RD3: variants seen among roughly 807,000 people sequenced by gnomAD.
RD3 encodes the protein protein RD3.
RD3 carries 11 observed loss-of-function variants against 16.9 expected under a neutral mutation model. That is an observed-to-expected ratio of 0.65 (90% confidence interval 0.41 to 1.08). The LOEUF is 1.08. RD3 is among the 50% of genes least tolerant of loss of function. The pLI is 0.00. For missense variants in RD3, 274 were observed against 267.4 expected (o/e 1.02, Z -0.17); for synonymous variants, 116 against 114.8 (o/e 1.01, Z -0.07).
chr1:211,487,038 A>T (rs1705388421), intron 1 of RD3, among the ~76,000 whole-genome samples: 1 of 152,156 alleles, frequency 6.6e-6, no homozygotes, highest in African/African-American at 2.4e-5. Flanking sequence ...AAGATATGGC[A>T]TTTGGACATG....
In RD3 at chr1:211,479,256, T is replaced by A. The variant is rs764736043; in HGVS notation, c.368A>T (p.Gln123Leu). 13 of 1,607,498 alleles carry A rather than the reference T, an allele frequency of 8.1e-6. No individual in the cohort carries two copies. Among genetic ancestry groups the A allele is most frequent in the African/African-American group, 1.3e-5 (1 of 74,836 alleles). Residue 123 changes from glutamine to leucine, a missense_variant, in exon 3 of 3, where the codon CAG becomes CTG. By Grantham distance (113) the Gln-to-Leu change is moderately radical (BLOSUM62 -2). Coordinates refer to ENST00000680073, the MANE Select transcript of RD3 (RefSeq NM_001164688.2). The part of the protein sequence containing the change: ...EVSQLFRSVL[Q>L]EVLERMKQEE... ...CTGCTTCATCCTCTCCAGGACCTCC[T>A]GCAGCACCGAGCGGAAGAGCTGGGA...
intron 1 of RD3, among the ~76,000 whole-genome samples, chr1:211,482,869 T>C (rs948716602): frequency 6.6e-6 from 1 of 151,752 alleles, no homozygotes; most frequent in African/African-American, 2.4e-5. Flanking sequence ...GCACCAATGA[T>C]CCCATTTCTG....
In RD3 at chr1:211,476,763, T is replaced by G. The variant is rs1285496066; in HGVS notation, c.*2273A>C. Reference sequence around the variant, plus strand: ...TCATTGGCAGCCAGTTACTTAAACTTAAGAAAGAACACCACATTGAAAGCC... The same window carrying G: ...TCATTGGCAGCCAGTTACTTAAACTGAAGAAAGAACACCACATTGAAAGCC... On this transcript the variant is annotated 3_prime_UTR_variant, in exon 3 of 3. Coordinates refer to ENST00000680073, the MANE Select transcript of RD3 (RefSeq NM_001164688.2). The G allele has an allele frequency of 6.6e-6, 1 of 152,164 alleles. No homozygotes were observed. Among genetic ancestry groups the G allele is most frequent in the African/African-American group, 2.4e-5 (1 of 41,438 alleles). The allele number at this position is 152,164 out of a possible 1,614,324, so 9.4% of individuals were successfully genotyped here. A position where few individuals can be genotyped will look rare whatever the true frequency, so the allele number is the denominator to read the frequency against.
Position 211,478,828 on chromosome 1 carries a change from C to CTCCCTTA in RD3, c.*207_*208insTAAGGGA. The CTCCCTTA allele has an allele frequency of 8.6e-6, 5 of 579,690 alleles. No individual in the cohort carries two copies. The highest frequency in any genetic ancestry group is 1.5e-5 in the Non-Finnish European group (5 of 329,562). The allele number at this position is 579,690 out of a possible 1,614,324, so 35.9% of individuals were successfully genotyped here. A position where few individuals can be genotyped will look rare whatever the true frequency, so the allele number is the denominator to read the frequency against. On this transcript the variant is annotated 3_prime_UTR_variant, in exon 3 of 3. Coordinates refer to ENST00000680073, the MANE Select transcript of RD3 (RefSeq NM_001164688.2). ...GCGCAGGAGAGGGAGAGGGCGGTGC[C>CTCCCTTA]GCTCTACGACCTAACTCAGCTTTGT...
In RD3 at chr1:211,481,349, C is replaced by T. The variant is rs1288362858; in HGVS notation, c.67G>A (p.Glu23Lys). 1.2e-6 allele frequency: 2 copies of T among 1,613,984 alleles called. No individual in the cohort carries two copies. Among genetic ancestry groups the T allele is most frequent in the Non-Finnish European group, 8.5e-7 (1 of 1,180,052 alleles). Residue 23 changes from glutamate (E) to lysine (K), a missense_variant, in exon 2 of 3, where the codon GAG becomes AAG. Coordinates refer to ENST00000680073, the MANE Select transcript of RD3 (RefSeq NM_001164688.2). ...PSRLSTRSPA[E>K]MVLETLMMEL... ...ATCATAAGCGTCTCCAGCACCATCT[C>T]AGCAGGGCTCCTGGTGGACAGCCGG... is the stretch of plus-strand genomic sequence containing the variant.
Position 211,481,265 on chromosome 1 carries a change from C to T in RD3, c.151G>A (p.Val51Ile). 1.9e-6 allele frequency: 3 copies of T among 1,614,262 alleles called. No homozygotes were observed. Among genetic ancestry groups the T allele is most frequent in the Non-Finnish European group, 2.5e-6 (3 of 1,180,050 alleles). ...TCCACACCGGTGCAGACCTTTCTGA[C>T]CGCATTGCTGCGCTCCCGCTGCTGC... ...ERQQRERSNA[V>I]RKVCTGVDYS... Residue 51 changes from valine to isoleucine, a missense_variant, in exon 2 of 3, where the codon GTC becomes ATC. By Grantham distance (29) the Val-to-Ile change is conservative. Coordinates refer to ENST00000680073, the MANE Select transcript of RD3 (RefSeq NM_001164688.2).
intron 1 of RD3, 133 bp from the exon 2 acceptor site, chr1:211,481,559 T>C: frequency 1.3e-6 from 1 of 749,646 alleles, no homozygotes; most frequent in South Asian, 1.7e-5. Flanking sequence ...AACAGTTGAG[T>C]GGCCTCAAGT....
rs200497931 is a variant in RD3 at position 211,481,375 on chromosome 1, G to A, written c.41C>T (p.Ser14Phe). The A allele has an allele frequency of 6.2e-7, 1 of 1,613,698 alleles. No individual in the cohort carries two copies. Among genetic ancestry groups the A allele is most frequent in the Non-Finnish European group, 8.5e-7 (1 of 1,180,048 alleles). Residue 14 changes from serine (S) to phenylalanine (F), a missense_variant, in exon 2 of 3, where the codon TCC becomes TTC. Physicochemically the swap from Ser to Phe is radical, Grantham distance 155 (BLOSUM62 -2). Coordinates refer to ENST00000680073, the MANE Select transcript of RD3 (RefSeq NM_001164688.2). ...ISWLRWNEAP[S>F]RLSTRSPAEM... ...AGCAGGGCTCCTGGTGGACAGCCGG[G>A]ATGGGGCCTCGTTCCACCGAAGCCA...
At chr1:211,481,099 G>A (rs367943212) in intron 2 of RD3, 21 bp downstream of exon 2, 3 of 1,613,462 alleles carry the variant, frequency 1.9e-6, no homozygotes. Context: ...GCCCAGCAAG[G>A]GTCCCCATCC....
At chr1:211,485,784 T>A (rs1489994025) in intron 1 of RD3, among the ~76,000 whole-genome samples, 1 of 152,170 alleles carries the variant, frequency 6.6e-6, no homozygotes, top group Non-Finnish European at 1.5e-5. Flanking sequence ...AGTCTTCCCA[T>A]GATGAATGGT....
intron 1 of RD3, among the ~76,000 whole-genome samples, chr1:211,488,005 G>T (rs747835924): frequency 6.6e-6 from 1 of 152,230 alleles, no homozygotes; most frequent in South Asian, 2.1e-4. Flanking sequence ...GCAGTGCAGG[G>T]TGTGCCCAGG....
rs541649183 is a variant in RD3, at chr1:211,481,737, G to A, written c.-11-311C>T. Among the ~76,000 whole-genome samples the A allele has an allele frequency of 3.9e-5, 6 of 152,276 alleles. No individual in the cohort carries two copies. In the East Asian group the frequency reaches 1.2e-3, roughly 29 times the overall value. On this transcript the variant is annotated intron_variant, in intron 1 of 2. Transcript: ENST00000680073. Reference sequence around the variant, plus strand: ...ATCCCCAGGATTGTGCCCAGAGAAAGGGCCTCCTGAATCCTCACTAACTCC... The same window carrying A: ...ATCCCCAGGATTGTGCCCAGAGAAAAGGCCTCCTGAATCCTCACTAACTCC...
chr1:211,485,480 G>A (rs962976511), intron 1 of RD3, among the ~76,000 whole-genome samples: 2 of 152,170 alleles, frequency 1.3e-5, no homozygotes, highest in Non-Finnish European at 1.5e-5. Context: ...GACAGAGGGA[G>A]GAAGAACAGA....
At chr1:211,483,394 G>A (rs1021799646) in intron 1 of RD3, among the ~76,000 whole-genome samples, 3 of 151,824 alleles carry the variant, frequency 2.0e-5, no homozygotes, top group Non-Finnish European at 2.9e-5. Flanking sequence ...CTGGGGAGGC[G>A]GAGTGAGCTG....
Position 211,481,377 on chromosome 1 carries a change from T to A in RD3, c.39A>T (p.Pro13=), listed in dbSNP as rs1393604809. Residue 13 remains proline, a synonymous_variant, in exon 2 of 3, where the codon CCA becomes CCT. Coordinates refer to ENST00000680073, the MANE Select transcript of RD3 (RefSeq NM_001164688.2). ...CAGGGCTCCTGGTGGACAGCCGGGA[T>A]GGGGCCTCGTTCCACCGAAGCCATG... ...LISWLRWNEA[P]SRLSTRSPAE... 1.2e-6 allele frequency: 2 copies of A among 1,613,590 alleles called. No homozygotes were observed. Among genetic ancestry groups the A allele is most frequent in the Non-Finnish European group, 1.7e-6 (2 of 1,180,038 alleles).
At chr1:211,482,706 A>G (rs1705300533) in intron 1 of RD3, among the ~76,000 whole-genome samples, 1 of 151,896 alleles carries the variant, frequency 6.6e-6, no homozygotes, top group South Asian at 2.1e-4. Context: ...TGAATGGGTG[A>G]ATGAGCTACT....
rs1705184330 is a variant in RD3 at position 211,478,247 on chromosome 1, T to A, written c.*789A>T. 2.5e-6 allele frequency: 1 copy of A among 398,270 alleles called. No individual in the cohort carries two copies. The highest frequency in any genetic ancestry group is 2.1e-5 in the African/African-American group (1 of 48,560). 24.7% of individuals were successfully genotyped at this position (398,270 alleles called of 1,614,324 possible). On this transcript the variant is annotated 3_prime_UTR_variant, in exon 3 of 3. Coordinates refer to ENST00000680073, the MANE Select transcript of RD3 (RefSeq NM_001164688.2). ...GTAATGAGTAACCTACCTCCACCCC[T>A]AGCTACACTTCTTGGAGAGCAGCTT... is the stretch of plus-strand genomic sequence containing the variant.
chr1:211,487,879 C>T (rs1418399460), intron 1 of RD3, among the ~76,000 whole-genome samples: 2 of 152,190 alleles, frequency 1.3e-5, no homozygotes, highest in African/African-American at 4.8e-5. Context: ...TGCTGGGACT[C>T]CCTCAAGGAG....
intron 1 of RD3, among the ~76,000 whole-genome samples, chr1:211,486,709 CATGCATGCCTGT>C (rs1015067476): frequency 1.3e-4 from 19 of 151,506 alleles, no homozygotes; most frequent in Non-Finnish European, 2.5e-4. Context: ...ATTAGCCAGG[CATGCATGCCTGT>C]AATCCCGGCT....
Sources: gnomAD v4.1 joint callset for allele counts (sites outside exome capture counted in the v4.1 genomes callset) on GRCh38, gnomAD v4.1.1 for gene constraint, MANE v1.5 for transcripts, NCBI Gene and HGNC (gene_info 2026-07-23, HGNC 2026-07-21) for gene names.